TRPV3: variants seen among roughly 807,000 people sequenced by gnomAD.
TRPV3 encodes the protein transient receptor potential cation channel subfamily V member 3, also known as VRL-3.
In TRPV3, 88 loss-of-function variants were observed where a neutral mutation model predicts 87.1. The observed-to-expected ratio is 1.01, with a 90% CI of 0.85 to 1.21. TRPV3 has a LOEUF of 1.21. Ranked by LOEUF, TRPV3 falls within the 50% of genes most tolerant of loss-of-function variation. The probability of loss-of-function intolerance (pLI) is 0.00; values close to 1 mark genes in which losing one functional copy is unlikely to be tolerated. For missense variants in TRPV3, 1,054 were observed against 1,030.1 expected, an observed-to-expected ratio of 1.02 and a Z score of -0.32; for synonymous variants, 438 against 423.3, an observed-to-expected ratio of 1.03 and a Z score of -0.43.
intron 4 of TRPV3, among the ~76,000 whole-genome samples, chr17:3,544,081 T>A (rs1156275216): frequency 6.6e-6 from 1 of 151,080 alleles, no homozygotes; most frequent in East Asian, 1.9e-4. Context: ...CAATCTCAGC[T>A]CACTACAACC....
chr17:3,534,531 T>C (rs573396188), intron 7 of TRPV3, among the ~76,000 whole-genome samples: 10 of 152,344 alleles, frequency 6.6e-5, no homozygotes, highest in African/African-American at 2.4e-4. Context: ...ACGGAGCCAT[T>C]TGTTCCCTGT....
Position 3,542,516 on chromosome 17 carries a change from G to T in TRPV3, c.643+6C>A. The T allele has an allele frequency of 6.2e-7, 1 of 1,612,444 alleles. No individual in the cohort carries two copies. Among genetic ancestry groups the T allele is most frequent in the East Asian group, 2.2e-5 (1 of 44,876 alleles). On this transcript the variant is annotated splice_donor_region_variant and intron_variant, in intron 6 of 17. Transcript: ENST00000576742. ...TGTCTGCACAGCCCCTCTGCAGGCA[G>T]GATACCTTCATAGGCCTCCTCTGTG...
At chr17:3,521,992 C>A (rs547301924) in intron 13 of TRPV3, among the ~76,000 whole-genome samples, 9 of 152,270 alleles carry the variant, frequency 5.9e-5, no homozygotes, top group Admixed American at 2.0e-4. Context: ...GGGAGAATTG[C>A]TTGAACCCAG....
chr17:3,532,688 A>G lies in TRPV3; in HGVS notation c.1034T>C (p.Leu345Pro), dbSNP rs760768948. Residue 345 changes from leucine (L) to proline (P), a missense_variant, in exon 8 of 18, where the codon CTG becomes CCG. Physicochemically the swap from Leu to Pro is moderately conservative, Grantham distance 98 (BLOSUM62 -3). Coordinates refer to ENST00000576742, the MANE Select transcript of TRPV3 (RefSeq NM_145068.4). The stretch of plus-strand genomic sequence containing the variant: ...CTTGCCCATCTTGGCGGCCAGCTGC[A>G]GCGGCGTGAGGCCATCGTTGTTGCG... ...TTRNNDGLTP[L>P]QLAAKMGKAE... 6.2e-7 allele frequency: 1 copy of G among 1,614,226 alleles called. No individual in the cohort carries two copies. The highest frequency in any genetic ancestry group is 1.1e-5 in the South Asian group (1 of 91,084).
chr17:3,538,730 G>T (rs533562615), intron 6 of TRPV3, among the ~76,000 whole-genome samples: 271 of 152,002 alleles, frequency 1.8e-3, no homozygotes, highest in African/African-American at 6.1e-3. Flanking sequence ...GATTACAAGC[G>T]TGCCCCACCA....
intron 4 of TRPV3, 82 bp from the exon 5 acceptor site, chr17:3,543,710 G>A (rs917724414): frequency 3.8e-6 from 6 of 1,567,140 alleles, no homozygotes; most frequent in Non-Finnish European, 4.3e-6. Context: ...AGCTGCCTAC[G>A]GGGCGCTGCA....
intron 13 of TRPV3, among the ~76,000 whole-genome samples, chr17:3,522,226 G>A (rs2074253559): frequency 6.6e-6 from 1 of 152,140 alleles, no homozygotes; most frequent in African/African-American, 2.4e-5. Context: ...AGGAATTCTA[G>A]AGCGATGTGG....
At chr17:3,538,807 A>G (rs963796550) in intron 6 of TRPV3, among the ~76,000 whole-genome samples, 1 of 152,022 alleles carries the variant, frequency 6.6e-6, no homozygotes, top group African/African-American at 2.4e-5. Context: ...CTGGTCTGGA[A>G]CTCCTGACCT....
Position 3,513,261 on chromosome 17 carries a change from C to A in TRPV3, c.*656G>T, listed in dbSNP as rs7208811. On this transcript the variant is annotated 3_prime_UTR_variant, in exon 18 of 18. Coordinates refer to ENST00000576742, the MANE Select transcript of TRPV3 (RefSeq NM_145068.4). ...TGCAAGTTAAAACCCTGTGTTAATT[C>A]TGCTACTAAAAACATCTCTCAGCTT... The A allele has an allele frequency of 0.57, 86,466 of 152,470 alleles. 25,071 individuals are homozygous for A. The highest frequency in any genetic ancestry group is 0.63 in the Non-Finnish European group (43,002 of 67,978). The allele number at this position is 152,470 out of a possible 1,614,324, so 9.4% of individuals were successfully genotyped here.
At chr17:3,534,022 A>G (rs1272604142) in intron 7 of TRPV3, among the ~76,000 whole-genome samples, 3 of 152,146 alleles carry the variant, frequency 2.0e-5, no homozygotes, top group Admixed American at 2.0e-4. Context: ...CAAGTGACTC[A>G]CATGAGGTCA....
At chr17:3,539,312 T>C (rs79531245) in intron 6 of TRPV3, among the ~76,000 whole-genome samples, 7 of 150,842 alleles carry the variant, frequency 4.6e-5, no homozygotes, top group East Asian at 1.9e-4. Context: ...AAAAAAAAAG[T>C]ATGTAAAATG....
chr17:3,513,790 G>A lies in TRPV3; in HGVS notation c.*127C>T. On this transcript the variant is annotated 3_prime_UTR_variant, in exon 18 of 18. Coordinates refer to ENST00000576742, the MANE Select transcript of TRPV3 (RefSeq NM_145068.4). ...GACACCCACTGAGCACTGAGCACGA[G>A]GGTGCACTCTGCTTCTAGGCCAGCA... 4.0e-6 allele frequency: 3 copies of A among 753,364 alleles called. No homozygotes were observed. The highest frequency in any genetic ancestry group is 6.8e-6 in the Non-Finnish European group (3 of 442,710). The allele number at this position is 753,364 out of a possible 1,614,324, so 46.7% of individuals were successfully genotyped here.
rs1597460967 is a variant in TRPV3 at position 3,512,677 on chromosome 17, C to CCT, written c.*1238_*1239dup. 6.6e-6 allele frequency: 1 copy of CCT among 152,158 alleles called. No individual in the cohort carries two copies. The highest frequency in any genetic ancestry group is 2.4e-5 in the African/African-American group (1 of 41,418). 9.4% of individuals were successfully genotyped at this position (152,158 alleles called of 1,614,324 possible). Reference sequence around the variant, plus strand: ...GGAAAATCCTTCCGTCTCCACTTCACCTCTGCCCCCCAGACTGACTCCGTG... The same window carrying CCT: ...GGAAAATCCTTCCGTCTCCACTTCACCTCTCTGCCCCCCAGACTGACTCCGTG... On this transcript the variant is annotated 3_prime_UTR_variant, in exon 18 of 18. Transcript: ENST00000576742.
At chr17:3,555,341 C>T (rs1278622395) in intron 1 of TRPV3, among the ~76,000 whole-genome samples, 1 of 152,222 alleles carries the variant, frequency 6.6e-6, no homozygotes, top group Admixed American at 6.5e-5. Context: ...GTTTTGACCT[C>T]CACAGAGCAA....
rs747062642 is a variant in TRPV3, at chr17:3,524,274, G to A, written c.1667C>T (p.Ala556Val). Residue 556 changes from alanine to valine, a missense_variant, in exon 13 of 18, where the codon GCC becomes GTC. Transcript: ENST00000576742. ...GTAGAGCATGTTCGCCCAGCCCAGG[G>A]CCATGGCCAGCACGAGGCAGGCGAG... ...EYLACLVLAM[A>V]LGWANMLYYT... 1.2e-5 allele frequency: 20 copies of A among 1,614,108 alleles called. No individual in the cohort carries two copies. The highest frequency in any genetic ancestry group is 1.7e-5 in the Admixed American group (1 of 60,006).
intron 5 of TRPV3, among the ~76,000 whole-genome samples, chr17:3,543,227 C>T (rs887479303): frequency 1.3e-5 from 2 of 152,194 alleles, no homozygotes; most frequent in Non-Finnish European, 2.9e-5. Context: ...AGGGTCCCAG[C>T]CCTGCCTGAA....
chr17:3,525,644 T>G (rs922620869), intron 12 of TRPV3, among the ~76,000 whole-genome samples: 7 of 150,530 alleles, frequency 4.7e-5, no homozygotes, highest in East Asian at 2.0e-4. Flanking sequence ...TTTTGAGATG[T>G]AGTCTCACTC....
intron 2 of TRPV3, chr17:3,554,515 T>G (rs1463292102): frequency 6.3e-6 from 3 of 476,772 alleles, no homozygotes; most frequent in Non-Finnish European, 1.1e-5. Context: ...CTTCCCTAAT[T>G]GTGCCAGTCA....
intron 7 of TRPV3, among the ~76,000 whole-genome samples, chr17:3,533,872 G>A (rs1046687600): frequency 2.0e-5 from 3 of 152,070 alleles, no homozygotes; most frequent in African/African-American, 7.2e-5. Flanking sequence ...GCTTATTACC[G>A]ATGGTCTCTC....
Sources: allele counts gnomAD v4.1 joint callset (sites outside exome capture counted in the v4.1 genomes callset), GRCh38; gene constraint gnomAD v4.1.1; transcripts MANE v1.5; gene names NCBI Gene and HGNC (gene_info 2026-07-23, HGNC 2026-07-21).